The following PPP1R1A variants were observed in gnomAD, a reference collection of about 807,000 sequenced individuals.
PPP1R1A encodes the protein protein phosphatase 1 regulatory subunit 1A.
A neutral mutation model predicts 23.9 loss-of-function variants in PPP1R1A; 18 were observed. The ratio of observed to expected loss-of-function variants is 0.75; its 90% CI spans 0.52 to 1.12. The LOEUF is 1.12. Among genes scored for constraint, PPP1R1A ranks in the 50% most tolerant of loss-of-function variants. The pLI, the probability that PPP1R1A is intolerant of heterozygous loss-of-function variation, is 0.00. For synonymous variants in PPP1R1A, 84 were observed against 80.7 expected (o/e 1.04, Z -0.22); for missense variants, 207 against 223.8 (o/e 0.92, Z 0.48).
At chr12:54,588,341 A>G in intron 1 of PPP1R1A, 64 bp downstream of exon 1, 1 of 1,315,598 alleles carries the variant, frequency 7.6e-7, no homozygotes, top group African/African-American at 1.6e-5. Context: ...CCTGGGTCCC[A>G]CCAGTCCAGG....
At position 54,579,736 on chromosome 12, in the gene PPP1R1A, CG is replaced by C. The variant is rs571996783; in HGVS notation, c.*650del. ...GCTAACGGGTTGAAATAAGGGACAG[CG>C]GTCCCACAGCTGGAAGAGGGAACAC... is the stretch of plus-strand genomic sequence containing the variant. On this transcript the variant is annotated 3_prime_UTR_variant, in exon 7 of 7. Coordinates refer to ENST00000257905, the MANE Select transcript of PPP1R1A (RefSeq NM_006741.4). The C allele has an allele frequency of 6.1e-4, 605 of 985,478 alleles. 5 individuals are homozygous for C. The South Asian group carries it at 0.025, about 40-fold the overall frequency. The allele number at this position is 985,478 out of a possible 1,614,324, so 61.0% of individuals were successfully genotyped here.
intron 1 of PPP1R1A, 97 bp from the exon 2 acceptor site, chr12:54,584,417 C>T (rs1353795082): frequency 8.9e-7 from 1 of 1,129,556 alleles, no homozygotes; most frequent in African/African-American, 1.6e-5. Flanking sequence ...GGCTAGCCTA[C>T]TTAACACACC....
chr12:54,583,622 C>A (rs1957879816), intron 2 of PPP1R1A, among the ~76,000 whole-genome samples: 1 of 152,316 alleles, frequency 6.6e-6, no homozygotes, highest in African/African-American at 2.4e-5. Flanking sequence ...TCAGCCAGAA[C>A]TAAGCCCTGC....
intron 3 of PPP1R1A, 66 bp downstream of exon 3, chr12:54,583,144 TA>T: frequency 1.4e-6 from 2 of 1,478,366 alleles, no homozygotes; most frequent in Non-Finnish European, 9.1e-7. Context: ...GGCAGGGTTT[TA>T]AGGAATAATC....
chr12:54,579,792 G>T lies in PPP1R1A; in HGVS notation c.*595C>A, dbSNP rs1957836042. The T allele has an allele frequency of 1.0e-6, 1 of 985,698 alleles. No homozygotes were observed. Among genetic ancestry groups the T allele is most frequent in the Non-Finnish European group, 1.2e-6 (1 of 830,124 alleles). 61.1% of individuals were successfully genotyped at this position (985,698 alleles called of 1,614,324 possible). On this transcript the variant is annotated 3_prime_UTR_variant, in exon 7 of 7. Transcript: ENST00000257905. Reference sequence around the variant, plus strand: ...TGAAGCTTGGGAATCCAAAAGGAAGGCAGCTGGGGCTTGGAGGGCAGGCGA... The same window carrying T: ...TGAAGCTTGGGAATCCAAAAGGAAGTCAGCTGGGGCTTGGAGGGCAGGCGA...
At position 54,580,959 on chromosome 12, in the gene PPP1R1A, G is replaced by A; in HGVS notation, c.495C>T (p.Ser165=). 2.5e-6 allele frequency: 4 copies of A among 1,613,654 alleles called. No homozygotes were observed. In the South Asian group the frequency reaches 4.4e-5, roughly 18 times the overall value. ...GGGGTCTTACCGAGTTGGCTCCCTT[G>A]GAATCCAGTGGTGGTATATGGGTTG... ...EPSTHIPPLD[S]KGANSV The change falls in exon 6 of 7, where the codon TCC becomes TCT. Residue 165 remains serine, a synonymous_variant. Transcript: ENST00000257905.
Position 54,580,355 on chromosome 12 carries a change from G to A in PPP1R1A, c.*32C>T. On this transcript the variant is annotated 3_prime_UTR_variant, in exon 7 of 7. Coordinates refer to ENST00000257905, the MANE Select transcript of PPP1R1A (RefSeq NM_006741.4). ...TCCGGTGTCCATGCATTCCCAAACT[G>A]CAGTCTTGATCCCAAGATACCTCCT... 2 of 1,613,098 alleles carry A rather than the reference G, an allele frequency of 1.2e-6. No individual in the cohort carries two copies. The highest frequency in any genetic ancestry group is 1.7e-6 in the Non-Finnish European group (2 of 1,179,450).
At chr12:54,584,863 C>T (rs1565712648) in intron 1 of PPP1R1A, among the ~76,000 whole-genome samples, 1 of 152,158 alleles carries the variant, frequency 6.6e-6, no homozygotes, top group Non-Finnish European at 1.5e-5. Context: ...CCCCCATTCC[C>T]CTGTTCTGTC....
rs185354690 is a variant in PPP1R1A at position 54,581,536 on chromosome 12, C to A, written c.403+440G>T. On this transcript the variant is annotated intron_variant, in intron 5 of 6. Transcript: ENST00000257905. The surrounding 1 kb of genome is among the most constrained non-coding windows in gnomAD (Gnocchi z 4.1). ...CACTGCTACCAGCTTCCACTTATTG[C>A]ATGCTCTGTGTGTGTCGGGTGCTGT... Among the ~76,000 whole-genome samples, 49 of 152,342 alleles carry A rather than the reference C, an allele frequency of 3.2e-4. No homozygotes were observed. Among genetic ancestry groups the A allele is most frequent in the Non-Finnish European group, 2.8e-4 (19 of 68,028 alleles).
Position 54,580,188 on chromosome 12 carries a change from C to T in PPP1R1A, c.*199G>A. The T allele has an allele frequency of 7.2e-7, 1 of 1,393,108 alleles. No homozygotes were observed. Among genetic ancestry groups the T allele is most frequent in the Non-Finnish European group, 9.3e-7 (1 of 1,071,264 alleles). 86.3% of individuals were successfully genotyped at this position (1,393,108 alleles called of 1,614,324 possible). ...AGGCAGCTTGGCAGGAGGGTGGGGG[C>T]TACAGAGAGGGCAGGGCAAGAAGGC... is the stretch of plus-strand genomic sequence containing the variant. On this transcript the variant is annotated 3_prime_UTR_variant, in exon 7 of 7. Coordinates refer to ENST00000257905, the MANE Select transcript of PPP1R1A (RefSeq NM_006741.4).
In PPP1R1A at chr12:54,580,311, T is replaced by C; in HGVS notation, c.*76A>G. ...AAAAACAAGAGATTTTCCCCAAAAG[T>C]GAAGGAATAAGAAACAAATCCGGTG... On this transcript the variant is annotated 3_prime_UTR_variant, in exon 7 of 7. Transcript: ENST00000257905. 6.2e-7 allele frequency: 1 copy of C among 1,600,026 alleles called. No homozygotes were observed. Among genetic ancestry groups the C allele is most frequent in the Non-Finnish European group, 8.5e-7 (1 of 1,174,138 alleles).
intron 4 of PPP1R1A, among the ~76,000 whole-genome samples, chr12:54,582,522 G>A (rs1260261457): frequency 6.6e-6 from 1 of 152,178 alleles, no homozygotes; most frequent in Non-Finnish European, 1.5e-5. Context: ...CTGCCATAAT[G>A]AGGTAGTATT....
rs774450988 is a variant in PPP1R1A, at chr12:54,584,328, A to G, written c.85-8T>C. 1.4e-4 allele frequency: 227 copies of G among 1,593,556 alleles called. 1 individual carries two copies. Among genetic ancestry groups the G allele is most frequent in the Non-Finnish European group, 1.8e-4 (216 of 1,169,856 alleles). ...GGGGCGGCGCCTCCGAATCTGAGGG[A>G]AGGTGGGAAATGGGGAAGAGGTCAA... On this transcript the variant is annotated splice_polypyrimidine_tract_variant and splice_region_variant and intron_variant, in intron 1 of 6. Coordinates refer to ENST00000257905, the MANE Select transcript of PPP1R1A (RefSeq NM_006741.4).
intron 2 of PPP1R1A, 53 bp from the exon 3 acceptor site, chr12:54,583,301 C>T: frequency 7.1e-7 from 1 of 1,413,490 alleles, no homozygotes; most frequent in Non-Finnish European, 9.3e-7. Context: ...CCAGGGATCC[C>T]CATAGAGCTG....
chr12:54,584,192 C>T, intron 2 of PPP1R1A, 68 bp downstream of exon 2: 1 of 1,417,208 alleles, frequency 7.1e-7, no homozygotes, highest in Non-Finnish European at 9.8e-7. Context: ...ATCTAGCGCC[C>T]ATCTTCTCAT....
At chr12:54,583,152 A>G in intron 3 of PPP1R1A, 59 bp downstream of exon 3, 9 of 1,498,266 alleles carry the variant, frequency 6.0e-6, no homozygotes, top group Non-Finnish European at 8.1e-6. Context: ...TTTAAGGAAT[A>G]ATCCCCTAAT....
intron 1 of PPP1R1A, among the ~76,000 whole-genome samples, chr12:54,584,887 CT>C (rs1957893885): frequency 1.3e-5 from 2 of 152,168 alleles, no homozygotes; most frequent in Non-Finnish European, 2.9e-5. Context: ...CCACCTCCCC[CT>C]GGTCCTGGCC....
At position 54,579,962 on chromosome 12, in the gene PPP1R1A, G is replaced by A. The variant is rs1013547420; in HGVS notation, c.*425C>T. ...TAGAGCGCCGAGTCTTCCAGCTGCA[G>A]GGCAGGCCTGTGAGGTGGTCGGATC... On this transcript the variant is annotated 3_prime_UTR_variant, in exon 7 of 7. Transcript: ENST00000257905. 3 of 997,524 alleles carry A rather than the reference G, an allele frequency of 3.0e-6. No homozygotes were observed. The highest frequency in any genetic ancestry group is 1.7e-5 in the African/African-American group (1 of 57,646). The allele number at this position is 997,524 out of a possible 1,614,324, so 61.8% of individuals were successfully genotyped here.
At position 54,581,066 on chromosome 12, in the gene PPP1R1A, A is replaced by C; in HGVS notation, c.404-16T>G. 3 of 1,420,632 alleles carry C rather than the reference A, an allele frequency of 2.1e-6. No homozygotes were observed. The highest frequency in any genetic ancestry group is 3.0e-6 in the Non-Finnish European group (3 of 1,009,608). The allele number at this position is 1,420,632 out of a possible 1,614,324, so 88.0% of individuals were successfully genotyped here. A position where few individuals can be genotyped will look rare whatever the true frequency, so the allele number is the denominator to read the frequency against. ...TCTGCAGTTTCTGGGGAGGGAACAT[A>C]GGGGTGGGAGGAAGAGGTGGCATTC... On this transcript the variant is annotated splice_polypyrimidine_tract_variant and intron_variant, in intron 5 of 6. Coordinates refer to ENST00000257905, the MANE Select transcript of PPP1R1A (RefSeq NM_006741.4). This position sits in a 1 kb window ranked among gnomAD's most constrained non-coding sequence, Gnocchi z 4.1.
Sources: allele counts gnomAD v4.1 joint callset (sites outside exome capture counted in the v4.1 genomes callset), GRCh38; gene constraint gnomAD v4.1.1; non-coding constraint Gnocchi (gnomAD v3.1); transcripts MANE v1.5; gene names NCBI Gene and HGNC (gene_info 2026-07-23, HGNC 2026-07-21).